The following DCT variants were observed in gnomAD, a reference collection of about 807,000 sequenced individuals.
DCT encodes the protein L-dopachrome tautomerase.
DCT carries 47 observed loss-of-function variants against 53.0 expected under a neutral mutation model. The observed-to-expected ratio is 0.89, with a 90% CI of 0.70 to 1.13. The LOEUF (loss-of-function observed/expected upper bound fraction) is 1.13, where lower values mean the gene tolerates loss of function less well. Among genes scored for constraint, DCT ranks in the 50% most tolerant of loss-of-function variants. DCT has a pLI of 0.00. For missense variants in DCT, 669 were observed against 637.4 expected (o/e 1.05, Z -0.53); for synonymous variants, 244 against 237.0 (o/e 1.03, Z -0.27).
intron 4 of DCT, among the ~76,000 whole-genome samples, chr13:94,464,509 G>A (rs1033809711): frequency 3.9e-5 from 6 of 151,962 alleles, no homozygotes; most frequent in Non-Finnish European, 7.4e-5. Flanking sequence ...GCGTGGTTGC[G>A]CATGCCTGTA....
the DCT span, among the ~76,000 whole-genome samples, chr13:94,533,119 T>C: frequency 5.3e-3 from 681 of 129,408 alleles, no homozygotes; most frequent in Middle Eastern, 0.067. Flanking sequence ...CAAAACACCA[T>C]AGGAAAAGTA....
At chr13:94,508,178 A>G in the DCT span, among the ~76,000 whole-genome samples, 3 of 152,368 alleles carry the variant, frequency 2.0e-5, no homozygotes, top group African/African-American at 7.2e-5. Context: ...GTTTGTCATA[A>G]TAACTAACAT....
chr13:94,487,681 C>T, the DCT span, among the ~76,000 whole-genome samples: 3 of 152,214 alleles, frequency 2.0e-5, no homozygotes, highest in Non-Finnish European at 2.9e-5. Flanking sequence ...CTGCTCTTTA[C>T]TCCTGTGCCT....
rs1258917575 is a variant in DCT at position 94,437,906 on chromosome 13, T to C, written c.*1992A>G. The C allele has an allele frequency of 6.6e-6, 1 of 152,106 alleles. No individual in the cohort carries two copies. Among genetic ancestry groups the C allele is most frequent in the East Asian group, 1.9e-4 (1 of 5,192 alleles). The allele number at this position is 152,106 out of a possible 1,614,324, so 9.4% of individuals were successfully genotyped here. ...ATAAAAGCAGCTAAGTATAATCGAT[T>C]ACTATTTTTTCCTACCTAAGATAGA... On this transcript the variant is annotated 3_prime_UTR_variant, in exon 8 of 8. Transcript: ENST00000377028.
At chr13:94,514,678 C>A in the DCT span, among the ~76,000 whole-genome samples, 6 of 152,242 alleles carry the variant, frequency 3.9e-5, no homozygotes, top group South Asian at 1.2e-3. Context: ...AAAGGCTGGG[C>A]CTTTCGGTTC....
intron 5 of DCT, 52 bp from the exon 6 acceptor site, chr13:94,460,278 C>G: frequency 6.4e-7 from 1 of 1,560,054 alleles, no homozygotes. Flanking sequence ...ATAAAGGTCT[C>G]TTTTTTGTTG....
chr13:94,547,984 A>AAAAAAT, the DCT span, among the ~76,000 whole-genome samples: 2 of 65,820 alleles, frequency 3.0e-5, no homozygotes, highest in African/African-American at 1.3e-4. Flanking sequence ...AAAAAAAAAA[A>AAAAAAT]ATATATATAT....
chr13:94,443,703 T>C (rs1594272144), intron 6 of DCT, 66 bp from the exon 7 acceptor site: 1 of 1,279,724 alleles, frequency 7.8e-7, no homozygotes, highest in African/African-American at 1.5e-5. Context: ...AACCTGACTG[T>C]TGCTTTCTCT....
chr13:94,518,058 TAAAGA>T, the DCT span, among the ~76,000 whole-genome samples: 64 of 112,270 alleles, frequency 5.7e-4, no homozygotes, highest in African/African-American at 1.8e-3. Flanking sequence ...GTCTGGGCAA[TAAAGA>T]AAAGAAAAGA....
intron 6 of DCT, 146 bp downstream of exon 6, chr13:94,459,945 A>G: frequency 2.2e-6 from 2 of 892,346 alleles, no homozygotes; most frequent in South Asian, 3.3e-5. Flanking sequence ...AACCATCCCT[A>G]TGGTATAGAT....
chr13:94,495,877 C>G, the DCT span, among the ~76,000 whole-genome samples: 4 of 152,190 alleles, frequency 2.6e-5, no homozygotes, highest in Admixed American at 2.6e-4. Context: ...TGATATGGCA[C>G]CCCCTTAGAA....
the DCT span, among the ~76,000 whole-genome samples, chr13:94,547,341 T>C: frequency 6.6e-6 from 1 of 151,988 alleles, no homozygotes; most frequent in Non-Finnish European, 1.5e-5. Context: ...GGTCTCAAAC[T>C]TCTGACCTCA....
At chr13:94,446,639 G>A (rs190457032) in intron 6 of DCT, among the ~76,000 whole-genome samples, 11 of 152,260 alleles carry the variant, frequency 7.2e-5, no homozygotes, top group East Asian at 3.9e-4. Flanking sequence ...TTTGTCTTAC[G>A]GTTGGAGACA....
chr13:94,457,365 TTC>T (rs1053875048), intron 6 of DCT, among the ~76,000 whole-genome samples: 20 of 152,130 alleles, frequency 1.3e-4, no homozygotes, highest in Admixed American at 3.9e-4. Context: ...AGAGAGTTTA[TTC>T]TCTCTCTCCC....
the DCT span, among the ~76,000 whole-genome samples, chr13:94,505,081 C>T: frequency 2.0e-5 from 3 of 151,724 alleles, no homozygotes; most frequent in Non-Finnish European, 1.5e-5. Flanking sequence ...GCCTGGTACA[C>T]CAAAAAAGTT....
chr13:94,464,288 G>C (rs1884014050), intron 4 of DCT, among the ~76,000 whole-genome samples: 2 of 152,254 alleles, frequency 1.3e-5, no homozygotes, highest in Non-Finnish European at 2.9e-5. Context: ...CCACAGCTCT[G>C]TGCCCTGGAG....
chr13:94,542,848 C>A, the DCT span, among the ~76,000 whole-genome samples: 1 of 151,994 alleles, frequency 6.6e-6, no homozygotes, highest in Non-Finnish European at 1.5e-5. Flanking sequence ...ACCCAAAAAA[C>A]CAAAACACAC....
At chr13:94,452,189 C>T (rs1287668610) in intron 6 of DCT, among the ~76,000 whole-genome samples, 1 of 152,100 alleles carries the variant, frequency 6.6e-6, no homozygotes, top group African/African-American at 2.4e-5. Context: ...CCTAACACCA[C>T]ACCCGGCTAA....
chr13:94,459,983 A>T, intron 6 of DCT, 108 bp downstream of exon 6: 1 of 1,194,046 alleles, frequency 8.4e-7, no homozygotes, highest in East Asian at 2.5e-5. Flanking sequence ...TGCACACATC[A>T]CATTGTTCAC....
Sources: gnomAD v4.1 joint callset for allele counts (sites outside exome capture counted in the v4.1 genomes callset) on GRCh38, gnomAD v4.1.1 for gene constraint, MANE v1.5 for transcripts, NCBI Gene and HGNC (gene_info 2026-07-23, HGNC 2026-07-21) for gene names.